Variants in IWS1 observed in about 807,000 individuals in gnomAD.
IWS1 encodes protein IWS1 homolog.
Under a neutral mutation model 86.7 loss-of-function variants are expected in IWS1, and 27 were observed. That is an observed-to-expected ratio of 0.31 (90% CI 0.23 to 0.43). The LOEUF (loss-of-function observed/expected upper bound fraction) is 0.43, where lower values mean the gene tolerates loss of function less well. Among genes scored for constraint, IWS1 ranks in the 20% least tolerant of loss-of-function variants. The probability of loss-of-function intolerance (pLI) is 1.00; values close to 1 mark genes in which losing one functional copy is unlikely to be tolerated. For synonymous variants in IWS1, 313 were observed against 335.1 expected (o/e 0.93, Z 0.72); for missense variants, 827 against 1,000.8 (o/e 0.83, Z 2.34).
chr2:127,480,859 T>TA lies in IWS1; in HGVS notation c.*184dup. On this transcript the variant is annotated 3_prime_UTR_variant, in exon 14 of 14. Transcript: ENST00000295321. ...GTAAAGTTTATAGAAGTATGACTAG[T>TA]ATTCCTTTGTACAAAGTACACAACG... 3.8e-6 allele frequency: 2 copies of TA among 531,742 alleles called. No homozygotes were observed. Among genetic ancestry groups the TA allele is most frequent in the Non-Finnish European group, 6.3e-6 (2 of 318,916 alleles). The allele number at this position is 531,742 out of a possible 1,614,324, so 32.9% of individuals were successfully genotyped here. A position where few individuals can be genotyped will look rare whatever the true frequency, so the allele number is the denominator to read the frequency against.
At chr2:127,488,973 A>G (rs1690073463) in intron 12 of IWS1, among the ~76,000 whole-genome samples, 1 of 152,196 alleles carries the variant, frequency 6.6e-6, no homozygotes, top group Non-Finnish European at 1.5e-5. Context: ...AAACAGCAAT[A>G]AAATCTTTAT....
At chr2:127,495,932 A>G (rs1429303783) in intron 7 of IWS1, 66 bp downstream of exon 7, 1 of 1,430,188 alleles carries the variant, frequency 7.0e-7, no homozygotes, top group African/African-American at 1.5e-5. Flanking sequence ...TTAAGTATCA[A>G]AAAAAGGGCA....
chr2:127,523,715 G>C lies in IWS1; in HGVS notation c.111C>G (p.His37Gln). The C allele has an allele frequency of 6.2e-7, 1 of 1,613,932 alleles. No homozygotes were observed. The highest frequency in any genetic ancestry group is 1.1e-5 in the South Asian group (1 of 91,058). The change falls in exon 2 of 14, where the codon CAC becomes CAG. Residue 37 changes from histidine (H) to glutamine (Q), a missense_variant. Physicochemically the swap from His to Gln is conservative, Grantham distance 24. Transcript: ENST00000295321. The stretch of plus-strand genomic sequence containing the variant: ...CTACACTTCCAGTGTCTGATCCGGA[G>C]TGTTGCTCATTTACATCATCCTCAC... Reference protein sequence around the residue: ...SDGEDDVNEQHSGSDTGSVER... With the variant: ...SDGEDDVNEQQSGSDTGSVER...
In IWS1 at chr2:127,520,867, C is replaced by T. The variant is rs1055467453; in HGVS notation, c.150+2809G>A. 4.6e-5 allele frequency among the ~76,000 whole-genome samples: 7 copies of T among 152,334 alleles called. 1 individual carries two copies. The highest frequency in any genetic ancestry group is 4.1e-4 in the South Asian group (2 of 4,824). On this transcript the variant is annotated intron_variant, in intron 2 of 13. Transcript: ENST00000295321. ...TTAGAAAATTGCTGAATAAGTGATGCTGCATCCATATTGTGAAACCATTAA... is the reference window on the plus strand; with the variant it reads ...TTAGAAAATTGCTGAATAAGTGATGTTGCATCCATATTGTGAAACCATTAA...
upstream of IWS1, chr2:127,526,724 G>A (rs1169679734): frequency 7.8e-7 from 1 of 1,281,464 alleles, no homozygotes; most frequent in Admixed American, 2.3e-5. Context: ...TCCGTGCCTT[G>A]TTTGAAGAGC....
intron 8 of IWS1, among the ~76,000 whole-genome samples, chr2:127,493,891 T>A (rs1690370453): frequency 6.6e-6 from 1 of 150,876 alleles, no homozygotes; most frequent in East Asian, 1.9e-4. Flanking sequence ...TTTTATGTAC[T>A]GGAATCAGTT....
At chr2:127,486,712 G>A (rs774139281) in intron 12 of IWS1, 48 bp from the exon 13 acceptor site, 4 of 1,429,684 alleles carry the variant, frequency 2.8e-6, no homozygotes, top group Admixed American at 3.4e-5. Context: ...GCCAGCCACA[G>A]TGGGGCACAT....
chr2:127,507,137 T>C (rs1691189685), intron 2 of IWS1, among the ~76,000 whole-genome samples: 1 of 152,154 alleles, frequency 6.6e-6, no homozygotes, highest in South Asian at 2.1e-4. Context: ...ATGCCCAACA[T>C]CATGCTATGA....
At chr2:127,486,428 C>T (rs1689935121) in intron 13 of IWS1, 125 bp downstream of exon 13, 1 of 675,790 alleles carries the variant, frequency 1.5e-6, no homozygotes, top group South Asian at 1.8e-5. Flanking sequence ...AGATAAGCGA[C>T]CAGAAAACAG....
chr2:127,525,715 C>CG (rs1366246159), intron 1 of IWS1, among the ~76,000 whole-genome samples: 2 of 152,194 alleles, frequency 1.3e-5, no homozygotes, highest in Non-Finnish European at 2.9e-5. Flanking sequence ...GCCAGAAGCG[C>CG]ATTCCTTACT....
intron 6 of IWS1, 102 bp downstream of exon 6, chr2:127,498,038 T>C (rs1690607512): frequency 2.2e-6 from 2 of 896,178 alleles, no homozygotes; most frequent in African/African-American, 1.7e-5. Flanking sequence ...GACCCACTCC[T>C]AAACTTAATC....
At chr2:127,493,968 G>A (rs1295108651) in intron 8 of IWS1, among the ~76,000 whole-genome samples, 1 of 152,028 alleles carries the variant, frequency 6.6e-6, no homozygotes, top group Non-Finnish European at 1.5e-5. Flanking sequence ...TGTTAGAATA[G>A]AGGGAGAAAT....
At position 127,504,670 on chromosome 2, in the gene IWS1, A is replaced by G; in HGVS notation, c.1219+14T>C. The G allele has an allele frequency of 6.4e-7, 1 of 1,565,786 alleles. No individual in the cohort carries two copies. Among genetic ancestry groups the G allele is most frequent in the South Asian group, 1.2e-5 (1 of 82,636 alleles). ...AATAAAGCCATTGATAAACAGCCCAAGGTAACTCCTTACATGCTTTCTCTT... is the reference window on the plus strand; with the variant it reads ...AATAAAGCCATTGATAAACAGCCCAGGGTAACTCCTTACATGCTTTCTCTT... On this transcript the variant is annotated intron_variant, in intron 3 of 13. Transcript: ENST00000295321.
chr2:127,497,238 T>C (rs1243802433), intron 6 of IWS1, among the ~76,000 whole-genome samples: 1 of 152,218 alleles, frequency 6.6e-6, no homozygotes, highest in African/African-American at 2.4e-5. Context: ...GCCCGGAACT[T>C]TTCATGCACT....
chr2:127,480,967 T>C lies in IWS1; in HGVS notation c.*77A>G. 6.7e-7 allele frequency: 1 copy of C among 1,495,090 alleles called. No individual in the cohort carries two copies. Among genetic ancestry groups the C allele is most frequent in the Non-Finnish European group, 9.0e-7 (1 of 1,111,114 alleles). 92.6% of individuals were successfully genotyped at this position (1,495,090 alleles called of 1,614,324 possible). ...ACCATTTACAGACACACTAAAAATG[T>C]TTTAAAATATCTTCTTTCTCCAAAG... On this transcript the variant is annotated 3_prime_UTR_variant, in exon 14 of 14. Coordinates refer to ENST00000295321, the MANE Select transcript of IWS1 (RefSeq NM_017969.3).
chr2:127,489,581 A>C lies in IWS1; in HGVS notation c.2159+251T>G. 5.6e-6 allele frequency: 3 copies of C among 537,550 alleles called. No homozygotes were observed. The highest frequency in any genetic ancestry group is 6.2e-5 in the East Asian group (2 of 32,282). The allele number at this position is 537,550 out of a possible 1,614,324, so 33.3% of individuals were successfully genotyped here. Reference sequence around the variant, plus strand: ...GTTGTTTTCTCAAGTGGATGGAACAACACAAGCAATCAGTATCCTGAAACA... The same window carrying C: ...GTTGTTTTCTCAAGTGGATGGAACACCACAAGCAATCAGTATCCTGAAACA... On this transcript the variant is annotated intron_variant, in intron 11 of 13. Transcript: ENST00000295321. This position sits in a 1 kb window ranked among gnomAD's most constrained non-coding sequence, Gnocchi z 4.8.
intron 2 of IWS1, among the ~76,000 whole-genome samples, chr2:127,521,832 T>C (rs1320748949): frequency 6.6e-6 from 1 of 152,108 alleles, no homozygotes; most frequent in South Asian, 2.1e-4. Flanking sequence ...TTAGAATCCA[T>C]ATTATAAAAA....
rs187659616 is a variant in IWS1 at position 127,518,457 on chromosome 2, T to C, written c.150+5219A>G. On this transcript the variant is annotated intron_variant, in intron 2 of 13. Transcript: ENST00000295321. ...TAAGCGTGGGAGGTTGAGGCTGCAG[T>C]GAGCTGTGATTGTGCCACTACACTC... Among the ~76,000 whole-genome samples, 1,440 of 151,864 alleles carry C rather than the reference T, an allele frequency of 9.5e-3. 16 individuals are homozygous for C. The highest frequency in any genetic ancestry group is 0.033 in the African/African-American group (1,367 of 41,394).
chr2:127,526,383 C>T lies in IWS1; in HGVS notation c.-175G>A. ...TAGCGGCAAAGGCGAATTCTTTGACCTGGAAGCCCCGGCGGAAAAGGCCGT... is the reference window on the plus strand; with the variant it reads ...TAGCGGCAAAGGCGAATTCTTTGACTTGGAAGCCCCGGCGGAAAAGGCCGT... On this transcript the variant is annotated 5_prime_UTR_variant, in exon 1 of 14. Coordinates refer to ENST00000295321, the MANE Select transcript of IWS1 (RefSeq NM_017969.3). 2 of 1,536,282 alleles carry T rather than the reference C, an allele frequency of 1.3e-6. No individual in the cohort carries two copies. The highest frequency in any genetic ancestry group is 1.7e-6 in the Non-Finnish European group (2 of 1,146,260).
Sources: gnomAD v4.1 joint callset for allele counts (sites outside exome capture counted in the v4.1 genomes callset) on GRCh38, gnomAD v4.1.1 for gene constraint, Gnocchi (gnomAD v3.1) non-coding constraint, MANE v1.5 for transcripts, NCBI Gene and HGNC (gene_info 2026-07-23, HGNC 2026-07-21) for gene names.